SRPK2: variants seen among roughly 807,000 people sequenced by gnomAD.
SRPK2 encodes the protein SRSF protein kinase 2, also known as SFRS protein kinase 2.
A neutral mutation model predicts 90.8 loss-of-function variants in SRPK2; 21 were observed. The ratio of observed to expected loss-of-function variants is 0.23; its 90% CI spans 0.16 to 0.33. SRPK2 has a LOEUF of 0.33. Among genes scored for constraint, SRPK2 ranks in the 10% least tolerant of loss-of-function variants. The pLI, the probability that SRPK2 is intolerant of heterozygous loss-of-function variation, is 1.00. For missense variants in SRPK2, 620 were observed against 869.0 expected, an observed-to-expected ratio of 0.71 and a Z score of 3.60; for synonymous variants, 288 against 311.1, an observed-to-expected ratio of 0.93 and a Z score of 0.78.
intron 2 of SRPK2, among the ~76,000 whole-genome samples, chr7:105,377,682 A>G (rs1820466071): frequency 6.6e-6 from 1 of 152,164 alleles, no homozygotes; most frequent in Non-Finnish European, 1.5e-5. Flanking sequence ...CCTGAGCAAC[A>G]GAGCAAGACC....
At chr7:105,220,250 T>A (rs955002786) in intron 2 of SRPK2, among the ~76,000 whole-genome samples, 1 of 152,186 alleles carries the variant, frequency 6.6e-6, no homozygotes, top group Non-Finnish European at 1.5e-5. Context: ...TTTAACAGTC[T>A]AGCTTGTGCC....
Position 105,170,933 on chromosome 7 carries a change from AG to A in SRPK2, c.230-1669del, listed in dbSNP as rs1415389795. Among the ~76,000 whole-genome samples, 95 of 44,012 alleles carry A rather than the reference AG, an allele frequency of 2.2e-3. 4 individuals carry two copies. The highest frequency in any genetic ancestry group is 7.0e-3 in the African/African-American group (94 of 13,398). The allele number at this position is 44,012 out of a possible 152,430, so 28.9% of individuals were successfully genotyped here. A position where few individuals can be genotyped will look rare whatever the true frequency, so the allele number is the denominator to read the frequency against. The stretch of plus-strand genomic sequence containing the variant: ...AAAGAAAGGAGAAAGAAAAAGAAAA[AG>A]GAAAGAAAGAAAGAAAGAAAGAAAG... On this transcript the variant is annotated intron_variant, in intron 3 of 15. Transcript: ENST00000393651.
intron 2 of SRPK2, among the ~76,000 whole-genome samples, chr7:105,367,445 T>C (rs1172693050): frequency 6.6e-6 from 1 of 152,122 alleles, no homozygotes; most frequent in Non-Finnish European, 1.5e-5. Context: ...GTATTTTTTA[T>C]AGAGACGGGG....
intron 2 of SRPK2, among the ~76,000 whole-genome samples, chr7:105,376,016 C>CA (rs1481798406): frequency 1.4e-5 from 1 of 71,214 alleles, no homozygotes; most frequent in African/African-American, 5.3e-5. Context: ...TTTTTTGAGA[C>CA]AGAGTCTCTG....
chr7:105,283,043 T>C (rs1807550684), intron 2 of SRPK2, among the ~76,000 whole-genome samples: 1 of 152,192 alleles, frequency 6.6e-6, no homozygotes, highest in South Asian at 2.1e-4. Flanking sequence ...CACAAAAAGA[T>C]GCTCCACATC....
intron 2 of SRPK2, among the ~76,000 whole-genome samples, chr7:105,314,540 C>T (rs1563227167): frequency 1.3e-5 from 2 of 152,026 alleles, no homozygotes; most frequent in African/African-American, 4.8e-5. Context: ...TGCACCATCA[C>T]GCCCGGCCAA....
intron 2 of SRPK2, among the ~76,000 whole-genome samples, chr7:105,361,865 A>T (rs2132271396): frequency 6.6e-6 from 1 of 152,312 alleles, no homozygotes; most frequent in Non-Finnish European, 1.5e-5. Context: ...CTAAAACCAT[A>T]AAAACCCTAG....
intron 2 of SRPK2, among the ~76,000 whole-genome samples, chr7:105,300,226 C>T (rs1183690101): frequency 7.3e-6 from 1 of 136,574 alleles, no homozygotes; most frequent in Non-Finnish European, 1.5e-5. Context: ...GCACTCCAGA[C>T]TGGGCAAGAG....
intron 15 of SRPK2, among the ~76,000 whole-genome samples, chr7:105,118,291 T>A (rs1198716349): frequency 6.6e-6 from 1 of 152,180 alleles, no homozygotes; most frequent in Admixed American, 6.5e-5. Context: ...GTAAGTGGAG[T>A]GGGCTCAGTT....
chr7:105,285,484 G>T (rs1390533153), intron 2 of SRPK2, among the ~76,000 whole-genome samples: 1 of 151,070 alleles, frequency 6.6e-6, no homozygotes, highest in Admixed American at 6.6e-5. Context: ...GATAATAATT[G>T]TATTTCAAAT....
chr7:105,346,379 C>A (rs1390697987), intron 2 of SRPK2, among the ~76,000 whole-genome samples: 2 of 152,060 alleles, frequency 1.3e-5, no homozygotes, highest in African/African-American at 4.8e-5. Context: ...TGCTTGTCAC[C>A]TCTGCATGGT....
intron 2 of SRPK2, among the ~76,000 whole-genome samples, chr7:105,275,720 G>T (rs145413380): frequency 6.6e-6 from 1 of 152,086 alleles, no homozygotes; most frequent in African/African-American, 2.4e-5. Flanking sequence ...TCAAAATGAT[G>T]TCCCATGGGG....
intron 2 of SRPK2, among the ~76,000 whole-genome samples, chr7:105,273,617 C>T (rs961482094): frequency 2.0e-5 from 3 of 151,906 alleles, no homozygotes; most frequent in Non-Finnish European, 4.4e-5. Flanking sequence ...TAATCTCAGT[C>T]CCAAATGTTA....
At chr7:105,197,473 C>G (rs1236657971) in intron 3 of SRPK2, among the ~76,000 whole-genome samples, 1 of 152,178 alleles carries the variant, frequency 6.6e-6, no homozygotes, top group African/African-American at 2.4e-5. Context: ...CCTGCTCATG[C>G]CGACATGCCT....
intron 2 of SRPK2, among the ~76,000 whole-genome samples, chr7:105,328,655 G>C (rs773405587): frequency 6.6e-6 from 1 of 151,498 alleles, no homozygotes; most frequent in Non-Finnish European, 1.5e-5. Context: ...ACAAGGTCAG[G>C]AGATCGAGAC....
intron 2 of SRPK2, among the ~76,000 whole-genome samples, chr7:105,351,512 T>A (rs1817173174): frequency 2.8e-5 from 4 of 141,896 alleles, no homozygotes; most frequent in Admixed American, 2.2e-4. Context: ...ATAATAATAA[T>A]AAATCACCGG....
chr7:105,145,437 C>T (rs1804462852), intron 8 of SRPK2, 129 bp from the exon 9 acceptor site: 1 of 567,342 alleles, frequency 1.8e-6, no homozygotes. Context: ...AACTATTAAT[C>T]AGAGCTTCTT....
At chr7:105,244,348 T>C (rs1432028801) in intron 2 of SRPK2, among the ~76,000 whole-genome samples, 1 of 152,196 alleles carries the variant, frequency 6.6e-6, no homozygotes, top group African/African-American at 2.4e-5. Flanking sequence ...GGCTGGTGGA[T>C]CATCTGAGGT....
chr7:105,389,341 C>G (rs1349954070), upstream of SRPK2: 2 of 1,278,028 alleles, frequency 1.6e-6, no homozygotes, highest in Non-Finnish European at 2.0e-6. Context: ...TCTTCTCTCC[C>G]TTTGCTCCTC....
Sources: gnomAD v4.1 joint callset for allele counts (sites outside exome capture counted in the v4.1 genomes callset) on GRCh38, gnomAD v4.1.1 for gene constraint, MANE v1.5 for transcripts, NCBI Gene and HGNC (gene_info 2026-07-23, HGNC 2026-07-21) for gene names.